CRADD: variants seen among roughly 807,000 people sequenced by gnomAD.
The protein encoded by CRADD is death domain-containing protein CRADD.
CRADD carries 9 observed loss-of-function variants against 15.5 expected under a neutral mutation model. The observed-to-expected ratio is 0.58, with a 90% CI of 0.35 to 1.01. CRADD has a LOEUF of 1.01. Ranked by LOEUF, CRADD falls within the 50% of genes least tolerant of loss-of-function variation. The pLI, the probability that CRADD is intolerant of heterozygous loss-of-function variation, is 0.02. For synonymous variants in CRADD, 118 were observed against 107.6 expected (o/e 1.10, Z -0.60); for missense variants, 227 against 250.3 (o/e 0.91, Z 0.63).
At chr12:93,810,324 G>T (rs997384492) in intron 2 of CRADD, among the ~76,000 whole-genome samples, 2 of 151,976 alleles carry the variant, frequency 1.3e-5, no homozygotes, top group Admixed American at 1.3e-4. Context: ...CGAGGCGGGC[G>T]GATCACCTGA....
chr12:93,763,709 G>A lies in CRADD; in HGVS notation c.298+84637G>A, dbSNP rs117519267. On this transcript the variant is annotated intron_variant, in intron 2 of 2. Transcript: ENST00000332896. ...AGACATTGTCTTCTTGCTTTTTGCA[G>A]AGGCAACATTTTTATTAGTGTGCAT... Among the ~76,000 whole-genome samples, 1,013 of 152,058 alleles carry A rather than the reference G, an allele frequency of 6.7e-3. 8 individuals are homozygous for A. The highest frequency in any genetic ancestry group is 0.012 in the Admixed American group (176 of 15,292).
chr12:93,773,368 G>T (rs1002944546), intron 2 of CRADD, among the ~76,000 whole-genome samples: 1 of 152,092 alleles, frequency 6.6e-6, no homozygotes, highest in Non-Finnish European at 1.5e-5. Flanking sequence ...AGTCTCACGG[G>T]ATCTGATGAT....
rs534431648 is a variant in CRADD, at chr12:93,732,084, C to T, written c.298+53012C>T. 1.4e-3 allele frequency among the ~76,000 whole-genome samples: 207 copies of T among 150,112 alleles called. 1 individual carries two copies. The highest frequency in any genetic ancestry group is 2.1e-3 in the Non-Finnish European group (139 of 67,734). On this transcript the variant is annotated intron_variant, in intron 2 of 2. Coordinates refer to ENST00000332896, the MANE Select transcript of CRADD (RefSeq NM_003805.5). The stretch of plus-strand genomic sequence containing the variant: ...GCAGGAGGTGGAGGTTGCGGTGAGC[C>T]GAGATGGCACCATTGCACTCCAGCC...
chr12:93,788,388 C>T (rs915726255), intron 2 of CRADD, among the ~76,000 whole-genome samples: 8 of 152,026 alleles, frequency 5.3e-5, no homozygotes, highest in African/African-American at 1.2e-4. Context: ...TCTCATGACA[C>T]GTGGGGATTA....
At chr12:93,756,089 C>T (rs1202328507) in intron 2 of CRADD, among the ~76,000 whole-genome samples, 2 of 152,142 alleles carry the variant, frequency 1.3e-5, no homozygotes, top group Non-Finnish European at 1.5e-5. Flanking sequence ...ATCCTTGATT[C>T]CCCTTACTTT....
chr12:93,827,948 T>C (rs1957843746), intron 2 of CRADD, among the ~76,000 whole-genome samples: 1 of 152,250 alleles, frequency 6.6e-6, no homozygotes. Flanking sequence ...AGTTTGACTA[T>C]ATTAGATACC....
At chr12:93,788,631 G>A (rs542960014) in intron 2 of CRADD, among the ~76,000 whole-genome samples, 4 of 152,276 alleles carry the variant, frequency 2.6e-5, no homozygotes, top group African/African-American at 9.6e-5. Flanking sequence ...AGGGTGTGAG[G>A]TAGTTGTTGT....
At chr12:93,888,954 C>G (rs1958557139) in intron 2 of CRADD, among the ~76,000 whole-genome samples, 1 of 152,076 alleles carries the variant, frequency 6.6e-6, no homozygotes, top group South Asian at 2.1e-4. Context: ...GTGAGGAGCT[C>G]CATTTTGGAA....
At chr12:93,703,608 C>T (rs903821299) in intron 2 of CRADD, among the ~76,000 whole-genome samples, 1 of 151,746 alleles carries the variant, frequency 6.6e-6, no homozygotes, top group Non-Finnish European at 1.5e-5. Flanking sequence ...GCGATCTGCC[C>T]ACCTCAGCCT....
chr12:93,831,487 A>G (rs533526927), intron 2 of CRADD: 7 of 152,366 alleles, frequency 4.6e-5, no homozygotes, highest in Admixed American at 2.0e-4. Flanking sequence ...CCATCTGTGA[A>G]TCTGCATGGC....
chr12:93,868,933 T>A (rs1261313429), intron 2 of CRADD, among the ~76,000 whole-genome samples: 1 of 152,172 alleles, frequency 6.6e-6, no homozygotes, highest in Non-Finnish European at 1.5e-5. Flanking sequence ...CAGAATTATG[T>A]ACAAAATCTT....
intron 2 of CRADD, among the ~76,000 whole-genome samples, chr12:93,879,763 T>A (rs1404407568): frequency 1.3e-5 from 2 of 152,166 alleles, no homozygotes; most frequent in Admixed American, 1.3e-4. Context: ...CCGCGACTGA[T>A]CCTTTACTCA....
At position 93,812,512 on chromosome 12, in the gene CRADD, T is replaced by TA. The variant is rs1180992286; in HGVS notation, c.299-37451dup. On this transcript the variant is annotated intron_variant, in intron 2 of 2. Transcript: ENST00000332896. ...CAACTTGGCAAAACCCCATCTCTACTAAAAAAATACAAAAAAAAAAAAAAA... is the reference window on the plus strand; with the variant it reads ...CAACTTGGCAAAACCCCATCTCTACTAAAAAAAATACAAAAAAAAAAAAAAA... Among the ~76,000 whole-genome samples the TA allele has an allele frequency of 7.6e-5, 10 of 130,774 alleles. No homozygotes were observed. In the East Asian group the frequency reaches 8.6e-4, roughly 11 times the overall value. The allele number at this position is 130,774 out of a possible 152,430, so 85.8% of individuals were successfully genotyped here.
At chr12:93,701,462 T>G (rs1384848195) in intron 2 of CRADD, among the ~76,000 whole-genome samples, 1 of 152,210 alleles carries the variant, frequency 6.6e-6, no homozygotes, top group Non-Finnish European at 1.5e-5. Flanking sequence ...TCCCTCATGG[T>G]CCTAACTGGC....
chr12:93,803,517 G>T (rs574417058), intron 2 of CRADD, among the ~76,000 whole-genome samples: 27 of 152,050 alleles, frequency 1.8e-4, no homozygotes, highest in South Asian at 1.2e-3. Context: ...GCCATTCCAC[G>T]TCCACCATTT....
At position 93,797,038 on chromosome 12, in the gene CRADD, A is replaced by G. The variant is rs560531076; in HGVS notation, c.299-52932A>G. Among the ~76,000 whole-genome samples, 3 of 152,284 alleles carry G rather than the reference A, an allele frequency of 2.0e-5. No homozygotes were observed. In the South Asian group the frequency reaches 6.2e-4, roughly 32 times the overall value. ...TTACAAATATTCGGAGGTGGGGAAA[A>G]TGGAAATGCTATCATTAGAACATCT... On this transcript the variant is annotated intron_variant, in intron 2 of 2. Transcript: ENST00000332896.
chr12:93,805,523 C>T (rs916416344), intron 2 of CRADD, among the ~76,000 whole-genome samples: 2 of 151,676 alleles, frequency 1.3e-5, no homozygotes, highest in Admixed American at 1.3e-4. Flanking sequence ...CTGCCCTTTT[C>T]TCCTACCCAG....
intron 2 of CRADD, among the ~76,000 whole-genome samples, chr12:93,713,670 A>C (rs1368565326): frequency 6.6e-6 from 1 of 152,108 alleles, no homozygotes; most frequent in African/African-American, 2.4e-5. Context: ...AAATATTTTC[A>C]ATTCAAGGTT....
rs146471797 is a variant in CRADD at position 93,812,023 on chromosome 12, G to A, written c.299-37947G>A. On this transcript the variant is annotated intron_variant, in intron 2 of 2. Coordinates refer to ENST00000332896, the MANE Select transcript of CRADD (RefSeq NM_003805.5). ...AAATACACGTTGATAAGTGAAAGAA[G>A]CCAGTCCAAAAGGCGGTATACTGTA... Among the ~76,000 whole-genome samples the A allele has an allele frequency of 7.2e-5, 11 of 152,306 alleles. 1 individual carries two copies. In the East Asian group the frequency reaches 1.9e-3, roughly 27 times the overall value.
Sources: gnomAD v4.1 joint callset for allele counts (sites outside exome capture counted in the v4.1 genomes callset) on GRCh38, gnomAD v4.1.1 for gene constraint, MANE v1.5 for transcripts, NCBI Gene and HGNC (gene_info 2026-07-23, HGNC 2026-07-21) for gene names.